CDH18: variants seen among roughly 807,000 people sequenced by gnomAD.
CDH18 encodes the protein cadherin 18, also known as cadherin-18.
In CDH18, 31 loss-of-function variants were observed where a neutral mutation model predicts 67.9. That is an observed-to-expected ratio of 0.46 (90% CI 0.34 to 0.62). The LOEUF is 0.62. Among genes scored for constraint, CDH18 ranks in the 20% least tolerant of loss-of-function variants. CDH18 has a pLI of 0.01. For missense variants in CDH18, 890 were observed against 975.5 expected (o/e 0.91, Z 1.17); for synonymous variants, 362 against 347.2 (o/e 1.04, Z -0.48).
At chr5:20,215,166 T>C (rs1259073319) in intron 2 of CDH18, among the ~76,000 whole-genome samples, 2 of 151,974 alleles carry the variant, frequency 1.3e-5, no homozygotes, top group Admixed American at 6.6e-5. Context: ...AGAATGGCTA[T>C]TATTAAATGG....
intron 1 of CDH18, among the ~76,000 whole-genome samples, chr5:20,520,883 G>C (rs987071554): frequency 2.6e-5 from 4 of 152,316 alleles, no homozygotes; most frequent in Admixed American, 2.6e-4. Context: ...ACTGAGCCAT[G>C]AGATCACTAA....
chr5:19,741,591 T>G, intron 4 of CDH18, among the ~76,000 whole-genome samples: 1 of 152,184 alleles, frequency 6.6e-6, no homozygotes, highest in Non-Finnish European at 1.5e-5. Flanking sequence ...ATTTAAACAC[T>G]GCAATTTCTT....
At chr5:19,596,916 C>T (rs900530837) in intron 6 of CDH18, among the ~76,000 whole-genome samples, 7 of 152,136 alleles carry the variant, frequency 4.6e-5, no homozygotes, top group South Asian at 2.1e-4. Context: ...GCCTTCAAGG[C>T]GGCCACATTT....
chr5:19,532,058 T>C (rs1748701992), intron 9 of CDH18, among the ~76,000 whole-genome samples: 1 of 152,230 alleles, frequency 6.6e-6, no homozygotes, highest in East Asian at 1.9e-4. Flanking sequence ...ATTAAAATGG[T>C]AATTTTACTA....
intron 2 of CDH18, among the ~76,000 whole-genome samples, chr5:19,873,572 T>A (rs1202545961): frequency 6.6e-6 from 1 of 152,198 alleles, no homozygotes. Flanking sequence ...AGCTAAAGAT[T>A]TGAAGCCTTT....
At chr5:19,691,865 GA>G (rs1395266699) in intron 5 of CDH18, among the ~76,000 whole-genome samples, 1 of 150,746 alleles carries the variant, frequency 6.6e-6, no homozygotes, top group East Asian at 2.0e-4. Context: ...TACAGAAACA[GA>G]AAAAAAAATC....
intron 1 of CDH18, among the ~76,000 whole-genome samples, chr5:20,404,895 C>T (rs958253689): frequency 3.3e-5 from 5 of 152,100 alleles, no homozygotes; most frequent in African/African-American, 9.7e-5. Context: ...TGACTGCACC[C>T]ACTGGCACAA....
At chr5:20,497,773 T>C (rs1205346451) in intron 1 of CDH18, among the ~76,000 whole-genome samples, 1 of 151,830 alleles carries the variant, frequency 6.6e-6, no homozygotes, top group African/African-American at 2.4e-5. Context: ...AAAAAGAGAG[T>C]TCGTTTATTA....
chr5:19,752,427 C>T (rs1489673589), intron 3 of CDH18, among the ~76,000 whole-genome samples: 1 of 152,110 alleles, frequency 6.6e-6, no homozygotes. Context: ...TCCTTGACAA[C>T]CTGCAGAACT....
intron 2 of CDH18, among the ~76,000 whole-genome samples, chr5:20,024,828 G>A (rs1196594134): frequency 6.6e-6 from 1 of 152,144 alleles, no homozygotes; most frequent in African/African-American, 2.4e-5. Flanking sequence ...AAGCCATGTA[G>A]AATACTTAGA....
chr5:19,942,374 T>C (rs772344390), intron 2 of CDH18, among the ~76,000 whole-genome samples: 2 of 152,218 alleles, frequency 1.3e-5, no homozygotes, highest in Non-Finnish European at 2.9e-5. Flanking sequence ...CAGCTGTGAA[T>C]TGCTGACGGC....
intron 1 of CDH18, among the ~76,000 whole-genome samples, chr5:20,508,388 T>C (rs1032273268): frequency 3.4e-5 from 5 of 145,848 alleles, no homozygotes; most frequent in Admixed American, 2.1e-4. Context: ...TGGAAAACTT[T>C]TGCTGATAAG....
chr5:19,753,370 CAGAT>C (rs1771110732), intron 3 of CDH18, among the ~76,000 whole-genome samples: 1 of 152,110 alleles, frequency 6.6e-6, no homozygotes, highest in Non-Finnish European at 1.5e-5. Context: ...ACATTGGACA[CAGAT>C]AGAAATGCAA....
At chr5:19,912,558 C>T (rs1041872576) in intron 2 of CDH18, among the ~76,000 whole-genome samples, 1 of 152,042 alleles carries the variant, frequency 6.6e-6, no homozygotes, top group African/African-American at 2.4e-5. Flanking sequence ...CCCTTTTATC[C>T]CATGAATGTT....
chr5:19,645,322 C>T (rs565869316), intron 5 of CDH18, among the ~76,000 whole-genome samples: 14 of 152,270 alleles, frequency 9.2e-5, no homozygotes, highest in Admixed American at 4.6e-4. Context: ...TAAAGAAAGC[C>T]TTCCAGGCAG....
At chr5:19,537,234 G>C (rs1414960647) in intron 9 of CDH18, among the ~76,000 whole-genome samples, 2 of 152,066 alleles carry the variant, frequency 1.3e-5, no homozygotes, top group Non-Finnish European at 2.9e-5. Context: ...TCACAGTTTT[G>C]CATGAGTTTT....
At chr5:20,569,341 G>A (rs182359916) in intron 1 of CDH18, among the ~76,000 whole-genome samples, 262 of 152,174 alleles carry the variant, frequency 1.7e-3, no homozygotes, top group Non-Finnish European at 2.3e-3. Context: ...AAACATGCTC[G>A]GCCAGGCGCC....
chr5:19,618,950 C>A (rs923361795), intron 5 of CDH18, among the ~76,000 whole-genome samples: 1 of 152,034 alleles, frequency 6.6e-6, no homozygotes, highest in African/African-American at 2.4e-5. Context: ...TCTTCAACTG[C>A]CTGATTATGG....
chr5:20,203,581 A>AAGAGAGAG lies in CDH18; in HGVS notation c.-518+51855_-518+51862dup, dbSNP rs57913549. On this transcript the variant is annotated intron_variant, in intron 2 of 14. Coordinates refer to the CDH18 transcript ENST00000507958. ...GGAGGCAGTGACCTAGTGGAGGGAA[A>AAGAGAGAG]AGAGAGAGAGAGAGAGAGAAATTCA... is the stretch of plus-strand genomic sequence containing the variant. 8.4e-3 allele frequency among the ~76,000 whole-genome samples: 1,222 copies of AAGAGAGAG among 145,540 alleles called. 23 individuals are homozygous for AAGAGAGAG. The highest frequency in any genetic ancestry group is 0.027 in the African/African-American group (1,029 of 38,394).
Sources: gnomAD v4.1 joint callset for allele counts (sites outside exome capture counted in the v4.1 genomes callset) on GRCh38, gnomAD v4.1.1 for gene constraint, MANE v1.5 for transcripts, NCBI Gene and HGNC (gene_info 2026-07-23, HGNC 2026-07-21) for gene names.